Variants in ABCF1 observed in about 807,000 individuals in gnomAD.
ABCF1 encodes ATP binding cassette subfamily F member 1.
ABCF1 carries 73 observed loss-of-function variants against 126.3 expected under a neutral mutation model. That is an observed-to-expected ratio of 0.58 (90% CI 0.48 to 0.70). ABCF1 has a LOEUF of 0.70. Among genes scored for constraint, ABCF1 ranks in the 30% least tolerant of loss-of-function variants. The probability of loss-of-function intolerance (pLI) is 0.00; values close to 1 mark genes in which losing one functional copy is unlikely to be tolerated. For missense variants in ABCF1, 786 were observed against 1,057.5 expected, an observed-to-expected ratio of 0.74 and a Z score of 3.56; for synonymous variants, 345 against 396.4, an observed-to-expected ratio of 0.87 and a Z score of 1.54.
chr6:30,585,636 C>T lies in ABCF1; in HGVS notation c.1554C>T (p.Ile518=), dbSNP rs1468830131. 6 of 1,612,958 alleles carry T rather than the reference C, an allele frequency of 3.7e-6. No homozygotes were observed. The highest frequency in any genetic ancestry group is 5.1e-6 in the Non-Finnish European group (6 of 1,180,034). ...QGFLDDVCTD[I]IHLDAQRLHY... is the part of the protein sequence containing the mutation. ...TCTTGGATGATGTCTGCACTGATAT[C>T]ATCCACCTCGATGCCCAGCGGCTCC... The change falls in exon 16 of 25, where the codon ATC becomes ATT. Residue 518 remains isoleucine, a synonymous_variant. Transcript: ENST00000326195.
Position 30,577,425 on chromosome 6 carries a change from A to G in ABCF1, c.90A>G (p.Lys30=). 1 of 1,614,038 alleles carries G rather than the reference A, an allele frequency of 6.2e-7. No individual in the cohort carries two copies. Among genetic ancestry groups the G allele is most frequent in the African/African-American group, 1.3e-5 (1 of 75,058 alleles). ...ACTTTCTAGACAAAGTGGTGAAGAA[A>G]GGGAAGAAGGACAAGAAGATCAAAA... ...STSPSDKVVK[K]GKKDKKIKKT... is the part of the protein sequence containing the mutation. Residue 30 remains lysine, a synonymous_variant, in exon 2 of 25, where the codon AAA becomes AAG. Transcript: ENST00000326195.
chr6:30,589,457 G>A, intron 20 of ABCF1: 1 of 584,260 alleles, frequency 1.7e-6, no homozygotes, highest in Non-Finnish European at 3.0e-6. Context: ...CAAAAAATTA[G>A]CCGGGTGTGG....
In ABCF1 at chr6:30,584,061, G is replaced by A. The variant is rs1027828180; in HGVS notation, c.1103-131G>A. The A allele has an allele frequency of 4.2e-6, 6 of 1,428,716 alleles. No individual in the cohort carries two copies. Among genetic ancestry groups the A allele is most frequent in the Non-Finnish European group, 4.7e-6 (5 of 1,056,150 alleles). The allele number at this position is 1,428,716 out of a possible 1,614,324, so 88.5% of individuals were successfully genotyped here. A position where few individuals can be genotyped will look rare whatever the true frequency, so the allele number is the denominator to read the frequency against. On this transcript the variant is annotated intron_variant, in intron 12 of 24. Coordinates refer to ENST00000326195, the MANE Select transcript of ABCF1 (RefSeq NM_001025091.2). This position sits in a 1 kb window ranked among gnomAD's most constrained non-coding sequence, Gnocchi z 4.6. ...GGAGGGGAGGGTCAATGAGGAACTT[G>A]AGAGTGTTTTATTTGGAACAAGTAC...
chr6:30,581,861 A>G (rs1801832706), intron 8 of ABCF1, among the ~76,000 whole-genome samples: 3 of 152,208 alleles, frequency 2.0e-5, no homozygotes, highest in African/African-American at 7.2e-5. Flanking sequence ...ATAAATACAC[A>G]TTCATACCAT....
intron 20 of ABCF1, 160 bp from the exon 21 acceptor site, chr6:30,589,528 G>A (rs981028874): frequency 3.5e-5 from 27 of 767,886 alleles, no homozygotes; most frequent in Middle Eastern, 3.9e-4. Context: ...GCGTGAACCC[G>A]GAAGGTGGAG....
Position 30,589,493 on chromosome 6 carries a change from C to G in ABCF1, c.2032-195C>G, listed in dbSNP as rs1278221245. On this transcript the variant is annotated intron_variant, in intron 20 of 24. Transcript: ENST00000326195. ...TGGCAGGCACCTGTATTCCCAGCTA[C>G]TGGGGAGGCTGAGGCAGGAGAATGG... The G allele has an allele frequency of 4.8e-6, 3 of 631,390 alleles. No individual in the cohort carries two copies. The East Asian group carries it at 8.3e-5, about 18-fold the overall frequency. 39.1% of individuals were successfully genotyped at this position (631,390 alleles called of 1,614,324 possible).
chr6:30,583,198 C>G lies in ABCF1; in HGVS notation c.915+10C>G. 1 of 1,598,892 alleles carries G rather than the reference C, an allele frequency of 6.3e-7. No homozygotes were observed. The highest frequency in any genetic ancestry group is 8.6e-7 in the Non-Finnish European group (1 of 1,168,632). ...TGCATCTGACATCAAGGTAAGGTCT[C>G]AAGGGGCCCCTTCCAGTCCACTTAC... On this transcript the variant is annotated intron_variant, in intron 10 of 24. Coordinates refer to ENST00000326195, the MANE Select transcript of ABCF1 (RefSeq NM_001025091.2). This position sits in a 1 kb window ranked among gnomAD's most constrained non-coding sequence, Gnocchi z 4.1.
intron 6 of ABCF1, among the ~76,000 whole-genome samples, chr6:30,579,544 G>A (rs868461598): frequency 5.0e-5 from 7 of 138,724 alleles, no homozygotes; most frequent in East Asian, 2.2e-4. Context: ...TGCAACCTCC[G>A]CCTCCCGGGT....
chr6:30,580,526 A>T lies in ABCF1; in HGVS notation c.678+7A>T. 3 of 1,490,502 alleles carry T rather than the reference A, an allele frequency of 2.0e-6. No individual in the cohort carries two copies. Among genetic ancestry groups the T allele is most frequent in the Non-Finnish European group, 2.7e-6 (3 of 1,128,142 alleles). The allele number at this position is 1,490,502 out of a possible 1,614,324, so 92.3% of individuals were successfully genotyped here. On this transcript the variant is annotated splice_region_variant and intron_variant, in intron 8 of 24. Coordinates refer to ENST00000326195, the MANE Select transcript of ABCF1 (RefSeq NM_001025091.2). ...GGCCAAGAAGGCAGAGCAGGTGTGT[A>T]TTTGGTGTTGGGGCAAGGTGGAATG...
At position 30,583,556 on chromosome 6, in the gene ABCF1, A is replaced by G. The variant is rs563899648; in HGVS notation, c.916-52A>G. 1 of 1,591,644 alleles carries G rather than the reference A, an allele frequency of 6.3e-7. No individual in the cohort carries two copies. Among genetic ancestry groups the G allele is most frequent in the African/African-American group, 1.3e-5 (1 of 74,532 alleles). On this transcript the variant is annotated intron_variant, in intron 10 of 24. Transcript: ENST00000326195. This position sits in a 1 kb window ranked among gnomAD's most constrained non-coding sequence, Gnocchi z 4.1. Reference sequence around the variant, plus strand: ...TGGCCGCTCCTGTCCCAAAGGGAGAATTTTCATGTGATCATCCCTTCCCTC... The same window carrying G: ...TGGCCGCTCCTGTCCCAAAGGGAGAGTTTTCATGTGATCATCCCTTCCCTC...
intron 20 of ABCF1, 48 bp from the exon 21 acceptor site, chr6:30,589,640 C>T (rs1170972602): frequency 3.7e-6 from 6 of 1,602,790 alleles, no homozygotes; most frequent in Non-Finnish European, 5.1e-6. Flanking sequence ...GGAGCTGCAG[C>T]ACCTTTTTCC....
At chr6:30,587,177 G>A (rs1802187783) in intron 20 of ABCF1, among the ~76,000 whole-genome samples, 1 of 151,962 alleles carries the variant, frequency 6.6e-6, no homozygotes, top group Non-Finnish European at 1.5e-5. Flanking sequence ...TGGAACCTGG[G>A]AGGCGGGGGT....
In ABCF1 at chr6:30,590,134, C is replaced by T. The variant is rs1802368048; in HGVS notation, c.2234-15C>T. 1.2e-6 allele frequency: 2 copies of T among 1,613,060 alleles called. No homozygotes were observed. Among genetic ancestry groups the T allele is most frequent in the East Asian group, 2.2e-5 (1 of 44,878 alleles). ...AGGTGCTAGGTGTGACAGCCCTCCC[C>T]TTCCTTTGCTACAGGTGGTCAGAAG... On this transcript the variant is annotated splice_polypyrimidine_tract_variant and intron_variant, in intron 22 of 24. Coordinates refer to ENST00000326195, the MANE Select transcript of ABCF1 (RefSeq NM_001025091.2).
chr6:30,574,851 C>T lies in ABCF1; in HGVS notation c.74-2558C>T, dbSNP rs1485957258. ...TAAAGGAACAGAAAGAAGCCAGTATCGAGACCAGAGGTGTGGGTAGGGAAA... is the reference window on the plus strand; with the variant it reads ...TAAAGGAACAGAAAGAAGCCAGTATTGAGACCAGAGGTGTGGGTAGGGAAA... On this transcript the variant is annotated intron_variant, in intron 1 of 24. Coordinates refer to ENST00000326195, the MANE Select transcript of ABCF1 (RefSeq NM_001025091.2). This position sits in a 1 kb window ranked among gnomAD's most constrained non-coding sequence, Gnocchi z 4.3. 6.6e-6 allele frequency among the ~76,000 whole-genome samples: 1 copy of T among 151,914 alleles called. No homozygotes were observed. Among genetic ancestry groups the T allele is most frequent in the Non-Finnish European group, 1.5e-5 (1 of 68,008 alleles).
Position 30,577,851 on chromosome 6 carries a change from G to C in ABCF1, c.154G>C (p.Ala52Pro). Residue 52 changes from alanine to proline, a missense_variant, in exon 3 of 25, where the codon GCT (alanine) becomes CCT (proline). Ala to Pro is a conservative substitution (Grantham distance 27). Around this residue, in one of 4 missense-constraint regions of ABCF1, gnomAD observed 322 missense variants for 322.9 expected, o/e 1.00. Coordinates refer to ENST00000326195, the MANE Select transcript of ABCF1 (RefSeq NM_001025091.2). ...FEELAVEDKQ[A>P]GEEEKVLKEK... ...AGAGCTGGCAGTAGAAGATAAACAG[G>C]CTGGGGAAGAAGAGAAAGTGCTCAA... 3.7e-6 allele frequency: 6 copies of C among 1,613,960 alleles called. No individual in the cohort carries two copies. The highest frequency in any genetic ancestry group is 5.1e-6 in the Non-Finnish European group (6 of 1,180,032).
chr6:30,586,859 G>C lies in ABCF1; in HGVS notation c.2031+148G>C. On this transcript the variant is annotated intron_variant, in intron 20 of 24. Transcript: ENST00000326195. The surrounding 1 kb of genome is among the most constrained non-coding windows in gnomAD (Gnocchi z 4.9). ...ATTCATTTCCCTAAGAGGGGCAGTA[G>C]AGGAGGAAAGAGCTTAGATCAGTTC... is the stretch of plus-strand genomic sequence containing the variant. 2.3e-6 allele frequency: 2 copies of C among 881,604 alleles called. No individual in the cohort carries two copies. The highest frequency in any genetic ancestry group is 1.8e-6 in the Non-Finnish European group (1 of 567,040). The allele number at this position is 881,604 out of a possible 1,614,324, so 54.6% of individuals were successfully genotyped here.
chr6:30,585,798 C>T, intron 16 of ABCF1, 81 bp from the exon 17 acceptor site: 3 of 1,552,264 alleles, frequency 1.9e-6, no homozygotes, highest in African/African-American at 1.4e-5. Flanking sequence ...GTGATGCCTA[C>T]CCCATCACCA....
At chr6:30,587,646 ACAG>A (rs1332275226) in intron 20 of ABCF1, among the ~76,000 whole-genome samples, 1 of 151,482 alleles carries the variant, frequency 6.6e-6, no homozygotes, top group Non-Finnish European at 1.5e-5. Flanking sequence ...AAAAAAAAAA[ACAG>A]ACCAGCCTGA....
rs578235564 is a variant in ABCF1, at chr6:30,586,897, T to C, written c.2031+186T>C. On this transcript the variant is annotated intron_variant, in intron 20 of 24. Coordinates refer to ENST00000326195, the MANE Select transcript of ABCF1 (RefSeq NM_001025091.2). The surrounding 1 kb of genome is among the most constrained non-coding windows in gnomAD (Gnocchi z 4.9). ...CTTAGATCAGTTCAGGGGGGAGAGC[T>C]AAGAGAATTAAGATAGAACTAGGGG... is the stretch of plus-strand genomic sequence containing the variant. Among the ~76,000 whole-genome samples, 6 of 152,164 alleles carry C rather than the reference T, an allele frequency of 3.9e-5. No individual in the cohort carries two copies. The highest frequency in any genetic ancestry group is 1.4e-4 in the African/African-American group (6 of 41,496).
Sources: allele counts gnomAD v4.1 joint callset (sites outside exome capture counted in the v4.1 genomes callset), GRCh38; gene constraint gnomAD v4.1.1; regional missense constraint gnomAD v4.1.1; non-coding constraint Gnocchi (gnomAD v3.1); transcripts MANE v1.5; gene names NCBI Gene and HGNC (gene_info 2026-07-23, HGNC 2026-07-21).